The following CFAP221 variants were observed in gnomAD, a reference collection of about 807,000 sequenced individuals.
CFAP221 encodes the protein cilia- and flagella-associated protein 221.
Under a neutral mutation model 113.1 loss-of-function variants are expected in CFAP221, and 97 were observed. The ratio of observed to expected loss-of-function variants is 0.86; its 90% CI spans 0.73 to 1.02. The LOEUF is 1.02. Ranked by LOEUF, CFAP221 falls within the 50% of genes least tolerant of loss-of-function variation. The probability of loss-of-function intolerance (pLI) is 0.00; values close to 1 mark genes in which losing one functional copy is unlikely to be tolerated. For missense variants in CFAP221, 1,025 were observed against 1,013.4 expected, an observed-to-expected ratio of 1.01 and a Z score of -0.16; for synonymous variants, 331 against 354.4, an observed-to-expected ratio of 0.93 and a Z score of 0.74.
At chr2:119,643,043 G>A (rs1687590027) in intron 21 of CFAP221, among the ~76,000 whole-genome samples, 3 of 151,692 alleles carry the variant, frequency 2.0e-5, no homozygotes, top group Admixed American at 1.3e-4. Flanking sequence ...CTCCCACCTC[G>A]GCCTCCCAAA....
At position 119,611,755 on chromosome 2, in the gene CFAP221, C is replaced by T; in HGVS notation, c.1311+13C>T. ...CAATCAAGAAGAGGTGGGTAACTTTCCTTTATTTAGAATCTGATTATTGGC... is the reference window on the plus strand; with the variant it reads ...CAATCAAGAAGAGGTGGGTAACTTTTCTTTATTTAGAATCTGATTATTGGC... On this transcript the variant is annotated intron_variant, in intron 13 of 23. Transcript: ENST00000413369. 6.3e-7 allele frequency: 1 copy of T among 1,592,100 alleles called. No homozygotes were observed. Among genetic ancestry groups the T allele is most frequent in the Non-Finnish European group, 8.6e-7 (1 of 1,162,858 alleles).
chr2:119,628,444 A>G (rs1477165973), intron 16 of CFAP221, among the ~76,000 whole-genome samples: 1 of 152,192 alleles, frequency 6.6e-6, no homozygotes, highest in African/African-American at 2.4e-5. Context: ...TGTATTTACT[A>G]TACATCAGGC....
intron 6 of CFAP221, among the ~76,000 whole-genome samples, chr2:119,575,263 G>C (rs571217660): frequency 1.3e-4 from 20 of 152,088 alleles, no homozygotes; most frequent in Non-Finnish European, 2.6e-4. Flanking sequence ...CATCTTAGCT[G>C]CCTTCCTCCC....
intron 11 of CFAP221, among the ~76,000 whole-genome samples, chr2:119,606,510 T>C (rs1220017104): frequency 3.9e-5 from 6 of 152,148 alleles, no homozygotes; most frequent in Non-Finnish European, 8.8e-5. Flanking sequence ...TCTATAGTTA[T>C]GGTCCCGCCT....
chr2:119,603,409 A>C (rs1368490556), intron 8 of CFAP221, among the ~76,000 whole-genome samples: 1 of 152,084 alleles, frequency 6.6e-6, no homozygotes, highest in Non-Finnish European at 1.5e-5. Context: ...ACATCAGAGC[A>C]TGTCGGTGGG....
Position 119,608,499 on chromosome 2 carries a change from C to A in CFAP221, c.1134-3C>A. 6.3e-7 allele frequency: 1 copy of A among 1,593,840 alleles called. No homozygotes were observed. The highest frequency in any genetic ancestry group is 8.5e-7 in the Non-Finnish European group (1 of 1,173,132). ...GGACACAGTTTTTTTTTTTTCTCCC[C>A]AGGCAGGTGCACCTTGGTAAAGATC... On this transcript the variant is annotated splice_polypyrimidine_tract_variant and splice_region_variant and intron_variant, in intron 11 of 23. Transcript: ENST00000413369.
At chr2:119,605,911 G>T (rs1201483601) in intron 11 of CFAP221, among the ~76,000 whole-genome samples, 1 of 152,112 alleles carries the variant, frequency 6.6e-6, no homozygotes, top group Non-Finnish European at 1.5e-5. Flanking sequence ...ATAAAAAAGT[G>T]CATATAAATG....
intron 16 of CFAP221, among the ~76,000 whole-genome samples, chr2:119,628,276 C>G (rs932429574): frequency 1.9e-5 from 1 of 53,568 alleles, no homozygotes; most frequent in Non-Finnish European, 4.2e-5. Flanking sequence ...CCACTTCTCT[C>G]TCTCTCTCTC....
At chr2:119,635,161 G>A (rs1052934083) in intron 19 of CFAP221, among the ~76,000 whole-genome samples, 5 of 152,158 alleles carry the variant, frequency 3.3e-5, no homozygotes, top group Admixed American at 3.3e-4. Flanking sequence ...AAACGTCAAT[G>A]AGATCTCTCT....
chr2:119,627,073 T>C (rs753447352), intron 15 of CFAP221, among the ~76,000 whole-genome samples: 6 of 152,072 alleles, frequency 3.9e-5, no homozygotes, highest in Non-Finnish European at 7.4e-5. Context: ...ATCCACAGTT[T>C]GTTTGCCAGC....
At chr2:119,600,812 A>G (rs1419714172) in intron 7 of CFAP221, among the ~76,000 whole-genome samples, 2 of 152,150 alleles carry the variant, frequency 1.3e-5, no homozygotes, top group African/African-American at 2.4e-5. Flanking sequence ...AGACAGCAAG[A>G]TCAATCCCTC....
Position 119,630,807 on chromosome 2 carries a change from C to T in CFAP221, c.1880C>T (p.Ser627Phe). ...TTITALPKQD[S>F]TTQLSGKTSV... ...ATCACAGCCCTTCCGAAACAGGACT[C>T]CACAACTCAGCTCTCTGGCAAAACA... The change falls in exon 19 of 24, where the codon TCC (serine) becomes TTC (phenylalanine). Residue 627 changes from serine (S) to phenylalanine (F), a missense_variant. By Grantham distance (155) the Ser-to-Phe change is radical. Transcript: ENST00000413369. 3.1e-6 allele frequency: 5 copies of T among 1,613,766 alleles called. No individual in the cohort carries two copies. The highest frequency in any genetic ancestry group is 4.2e-6 in the Non-Finnish European group (5 of 1,179,648).
chr2:119,629,074 C>T (rs1489362252), intron 16 of CFAP221, among the ~76,000 whole-genome samples: 1 of 152,178 alleles, frequency 6.6e-6, no homozygotes, highest in Non-Finnish European at 1.5e-5. Flanking sequence ...TACTGTATTT[C>T]ATCAATTGTA....
At position 119,568,452 on chromosome 2, in the gene CFAP221, C is replaced by T. The variant is rs977135873; in HGVS notation, c.527+6338C>T. The stretch of plus-strand genomic sequence containing the variant: ...CCCATCACCTAGGTATTAAGCCCAG[C>T]ATGCATTAGCTATTTTTCCTAATGC... On this transcript the variant is annotated intron_variant, in intron 6 of 23. Transcript: ENST00000413369. Among the ~76,000 whole-genome samples the T allele has an allele frequency of 2.6e-5, 4 of 152,250 alleles. 1 individual carries two copies. Among genetic ancestry groups the T allele is most frequent in the Middle Eastern group, 3.4e-3 (1 of 294 alleles).
intron 11 of CFAP221, among the ~76,000 whole-genome samples, chr2:119,605,894 T>C (rs1049584555): frequency 6.6e-6 from 1 of 152,094 alleles, no homozygotes; most frequent in Non-Finnish European, 1.5e-5. Flanking sequence ...AAAAAAGATA[T>C]GGTCACATAA....
chr2:119,605,578 C>T (rs1353285441), intron 11 of CFAP221, among the ~76,000 whole-genome samples: 2 of 152,146 alleles, frequency 1.3e-5, no homozygotes, highest in East Asian at 3.9e-4. Flanking sequence ...ATCTGGGTGC[C>T]TTGGGCACCC....
chr2:119,568,027 T>G (rs1428069511), intron 6 of CFAP221, among the ~76,000 whole-genome samples: 1 of 152,016 alleles, frequency 6.6e-6, no homozygotes, highest in African/African-American at 2.4e-5. Context: ...CAAATAACAC[T>G]GTACTGCTTC....
intron 22 of CFAP221, among the ~76,000 whole-genome samples, chr2:119,650,125 T>C (rs988262089): frequency 6.6e-6 from 1 of 152,178 alleles, no homozygotes; most frequent in African/African-American, 2.4e-5. Context: ...CCATATATAC[T>C]CAAAAATAAG....
At chr2:119,555,513 A>T (rs1680729261) in intron 3 of CFAP221, among the ~76,000 whole-genome samples, 1 of 152,162 alleles carries the variant, frequency 6.6e-6, no homozygotes, top group African/African-American at 2.4e-5. Context: ...TTGAATGATT[A>T]TTATTTTCCC....
Sources: allele counts gnomAD v4.1 joint callset (sites outside exome capture counted in the v4.1 genomes callset), GRCh38; gene constraint gnomAD v4.1.1; transcripts MANE v1.5; gene names NCBI Gene and HGNC (gene_info 2026-07-23, HGNC 2026-07-21).